Variants in KREMEN1 observed in about 807,000 individuals in gnomAD.
KREMEN1 encodes the protein kremen protein 1.
In KREMEN1, 30 loss-of-function variants were observed where a neutral mutation model predicts 46.5. The ratio of observed to expected loss-of-function variants is 0.65; its 90% confidence interval spans 0.48 to 0.88. KREMEN1 has a LOEUF of 0.88. Ranked by LOEUF, KREMEN1 falls within the 40% of genes least tolerant of loss-of-function variation. The probability of loss-of-function intolerance (pLI) is 0.00; values close to 1 mark genes in which losing one functional copy is unlikely to be tolerated. For synonymous variants in KREMEN1, 214 were observed against 230.6 expected (o/e 0.93, Z 0.65); for missense variants, 533 against 596.9 (o/e 0.89, Z 1.11).
At chr22:29,123,215 T>A (rs1467452694) in intron 4 of KREMEN1, among the ~76,000 whole-genome samples, 1 of 151,916 alleles carries the variant, frequency 6.6e-6, no homozygotes, top group Non-Finnish European at 1.5e-5. Context: ...TAATTTGGAC[T>A]TCATAAAAAT....
chr22:29,113,864 C>T (rs1410489805), intron 3 of KREMEN1, among the ~76,000 whole-genome samples: 1 of 152,156 alleles, frequency 6.6e-6, no homozygotes, highest in Non-Finnish European at 1.5e-5. Flanking sequence ...GTTTTTCATA[C>T]GGTTCTTATA....
chr22:29,140,004 A>C (rs77105601), intron 7 of KREMEN1, among the ~76,000 whole-genome samples: 2,416 of 152,306 alleles, frequency 0.016, 61 homozygotes, highest in African/African-American at 0.055. Flanking sequence ...GACAAAATGC[A>C]TGTCATCCCT....
At chr22:29,131,525 T>C (rs1453018673) in intron 5 of KREMEN1, among the ~76,000 whole-genome samples, 2 of 13,776 alleles carry the variant, frequency 1.5e-4, no homozygotes, top group African/African-American at 2.0e-4. Context: ...ATTCTGTTCA[T>C]ATATATATAT....
chr22:29,125,966 T>A (rs564238700), intron 5 of KREMEN1, among the ~76,000 whole-genome samples: 1 of 152,066 alleles, frequency 6.6e-6, no homozygotes, highest in Non-Finnish European at 1.5e-5. Context: ...TGGGAGTGGA[T>A]CCAGGGCCTT....
At chr22:29,108,656 C>T (rs894884707) in intron 3 of KREMEN1, among the ~76,000 whole-genome samples, 2 of 152,204 alleles carry the variant, frequency 1.3e-5, no homozygotes, top group Non-Finnish European at 2.9e-5. Flanking sequence ...TTATTCATAA[C>T]CTGCATTTTA....
At chr22:29,138,212 A>G (rs1032200873) in intron 6 of KREMEN1, among the ~76,000 whole-genome samples, 18 of 152,254 alleles carry the variant, frequency 1.2e-4, no homozygotes, top group Non-Finnish European at 2.2e-4. Context: ...GCAAACCTCA[A>G]GAAGAGTTCA....
rs923540482 is a variant in KREMEN1 at position 29,146,581 on chromosome 22, G to A, written c.*4469G>A. 1.7e-5 allele frequency: 17 copies of A among 985,616 alleles called. No homozygotes were observed. The highest frequency in any genetic ancestry group is 1.9e-5 in the Non-Finnish European group (16 of 829,930). 61.1% of individuals were successfully genotyped at this position (985,616 alleles called of 1,614,324 possible). On this transcript the variant is annotated 3_prime_UTR_variant, in exon 9 of 9. Coordinates refer to ENST00000400335, the MANE Select transcript of KREMEN1 (RefSeq NM_001039570.3). ...AAACTCAGCTTCCAGCAGGGATTTT[G>A]ACTTTGGATGACAAGGCTTTATTTG...
intron 9 of KREMEN1, among the ~76,000 whole-genome samples, chr22:29,155,959 C>CAA (rs11320591): frequency 1.4e-5 from 2 of 148,044 alleles, no homozygotes; most frequent in African/African-American, 2.5e-5. Context: ...AACTCCATCT[C>CAA]AAAAAAAAAA....
chr22:29,116,501 G>A (rs1327145782), intron 3 of KREMEN1, among the ~76,000 whole-genome samples: 1 of 152,152 alleles, frequency 6.6e-6, no homozygotes, highest in Non-Finnish European at 1.5e-5. Flanking sequence ...AGACCTCACT[G>A]TCCTATTGAA....
chr22:29,094,957 A>G (rs1420727026), intron 2 of KREMEN1, among the ~76,000 whole-genome samples: 1 of 152,118 alleles, frequency 6.6e-6, no homozygotes, highest in Non-Finnish European at 1.5e-5. Context: ...GGTTGTTTTA[A>G]TGCTGGCTTT....
Position 29,100,277 on chromosome 22 carries a change from G to A in KREMEN1, c.352+1324G>A, listed in dbSNP as rs559966839. 5.3e-5 allele frequency among the ~76,000 whole-genome samples: 8 copies of A among 152,030 alleles called. No homozygotes were observed. In the South Asian group the frequency reaches 6.2e-4, roughly 12 times the overall value. ...ATTACAGGCATGTGCCACCACGCCC[G>A]GCTAATTTTGTATTTTTAGTAGAGA... On this transcript the variant is annotated intron_variant, in intron 3 of 8. Transcript: ENST00000400335.
At position 29,133,237 on chromosome 22, in the gene KREMEN1, G is replaced by A. The variant is rs12106579; in HGVS notation, c.632-4105G>A. Among the ~76,000 whole-genome samples, 32 of 120,298 alleles carry A rather than the reference G, an allele frequency of 2.7e-4. 1 individual carries two copies. In the East Asian group the frequency reaches 5.2e-3, roughly 20 times the overall value. The allele number at this position is 120,298 out of a possible 152,430, so 78.9% of individuals were successfully genotyped here. A position where few individuals can be genotyped will look rare whatever the true frequency, so the allele number is the denominator to read the frequency against. The stretch of plus-strand genomic sequence containing the variant: ...CACTCCAGCCTGGGCAACAGAGCGA[G>A]ACTCCATCTCAAAAAAAAAAAAAAG... On this transcript the variant is annotated intron_variant, in intron 5 of 8. Transcript: ENST00000400335.
At position 29,109,390 on chromosome 22, in the gene KREMEN1, C is replaced by T. The variant is rs376389190; in HGVS notation, c.352+10437C>T. Among the ~76,000 whole-genome samples the T allele has an allele frequency of 2.4e-4, 36 of 152,214 alleles. No individual in the cohort carries two copies. The East Asian group carries it at 6.0e-3, about 25-fold the overall frequency. Reference sequence around the variant, plus strand: ...GTAATTGGGAATCTGAGTTATAAACCTAAGAGAAAATTGCAGACCAGCACA... The same window carrying T: ...GTAATTGGGAATCTGAGTTATAAACTTAAGAGAAAATTGCAGACCAGCACA... On this transcript the variant is annotated intron_variant, in intron 3 of 8. Transcript: ENST00000400335.
chr22:29,124,056 A>G (rs2145819191), intron 4 of KREMEN1, among the ~76,000 whole-genome samples: 1 of 152,286 alleles, frequency 6.6e-6, no homozygotes, highest in East Asian at 1.9e-4. Flanking sequence ...CATATGACCT[A>G]GTAATTCCAT....
chr22:29,091,117 G>A (rs531755647), intron 1 of KREMEN1, among the ~76,000 whole-genome samples: 60 of 152,182 alleles, frequency 3.9e-4, no homozygotes, highest in Non-Finnish European at 5.0e-4. Context: ...GGGATTACAG[G>A]CATGCACTAC....
chr22:29,102,777 T>C (rs143414676), intron 3 of KREMEN1, among the ~76,000 whole-genome samples: 3 of 152,314 alleles, frequency 2.0e-5, no homozygotes, highest in African/African-American at 7.2e-5. Flanking sequence ...TGTGGCCCCT[T>C]GATAACCCTC....
At chr22:29,085,414 A>G (rs2037713325) in intron 1 of KREMEN1, among the ~76,000 whole-genome samples, 1 of 152,216 alleles carries the variant, frequency 6.6e-6, no homozygotes, top group Admixed American at 6.5e-5. Context: ...GTATCTCTAA[A>G]TGCTAAGGAT....
At chr22:29,088,956 GA>G (rs1361473320) in intron 1 of KREMEN1, among the ~76,000 whole-genome samples, 2 of 151,272 alleles carry the variant, frequency 1.3e-5, no homozygotes, top group South Asian at 2.1e-4. Flanking sequence ...GTGTGATAAA[GA>G]AAAAAAAATT....
intron 9 of KREMEN1, among the ~76,000 whole-genome samples, chr22:29,157,662 C>G (rs2038974983): frequency 6.6e-6 from 1 of 152,172 alleles, no homozygotes; most frequent in African/African-American, 2.4e-5. Context: ...GCCTCTGTGG[C>G]CAATGTCATG....
Sources: gnomAD v4.1 joint callset for allele counts (sites outside exome capture counted in the v4.1 genomes callset) on GRCh38, gnomAD v4.1.1 for gene constraint, MANE v1.5 for transcripts, NCBI Gene and HGNC (gene_info 2026-07-23, HGNC 2026-07-21) for gene names.